The following PTPRR variants were observed in gnomAD, a reference collection of about 807,000 sequenced individuals.
PTPRR encodes the protein receptor-type tyrosine-protein phosphatase R.
PTPRR carries 38 observed loss-of-function variants against 77.2 expected under a neutral mutation model. The observed-to-expected ratio is 0.49, with a 90% CI of 0.38 to 0.65. The LOEUF (loss-of-function observed/expected upper bound fraction) is 0.65, where lower values mean the gene tolerates loss of function less well. PTPRR is among the 30% of genes least tolerant of loss of function. The pLI, the probability that PTPRR is intolerant of heterozygous loss-of-function variation, is 0.00. For missense variants in PTPRR, 744 were observed against 799.2 expected (o/e 0.93, Z 0.83); for synonymous variants, 299 against 283.1 (o/e 1.06, Z -0.57).
intron 1 of PTPRR, among the ~76,000 whole-genome samples, chr12:70,899,084 C>A (rs1893485538): frequency 6.6e-6 from 1 of 151,230 alleles, no homozygotes; most frequent in Non-Finnish European, 1.5e-5. Context: ...CTACTTAAAC[C>A]TTTTCTGAAT....
At chr12:70,829,798 T>C (rs151050832) in intron 2 of PTPRR, among the ~76,000 whole-genome samples, 1 of 152,118 alleles carries the variant, frequency 6.6e-6, no homozygotes, top group Admixed American at 6.5e-5. Context: ...GAGGATCTCA[T>C]AGGTGCATAG....
At chr12:70,878,811 T>C (rs1009887533) in intron 2 of PTPRR, among the ~76,000 whole-genome samples, 21 of 152,196 alleles carry the variant, frequency 1.4e-4, no homozygotes, top group African/African-American at 4.8e-4. Flanking sequence ...CGTATGTTTA[T>C]TGCAGCACTA....
chr12:70,781,955 C>G (rs748087620), intron 2 of PTPRR, among the ~76,000 whole-genome samples: 11 of 152,158 alleles, frequency 7.2e-5, no homozygotes, highest in Non-Finnish European at 1.3e-4. Context: ...TAAACAGTTG[C>G]AATACCAACT....
chr12:70,785,019 AAT>A (rs1891292655), intron 2 of PTPRR, among the ~76,000 whole-genome samples: 1 of 152,192 alleles, frequency 6.6e-6, no homozygotes, highest in Admixed American at 6.5e-5. Context: ...TTCTGGAGAG[AAT>A]ATATATATTC....
chr12:70,746,192 G>A (rs979645934), intron 5 of PTPRR, 106 bp from the exon 6 acceptor site: 36 of 1,090,262 alleles, frequency 3.3e-5, no homozygotes, highest in African/African-American at 2.4e-4. Context: ...AAGGCTTAAC[G>A]ATAAAGTAAA....
At chr12:70,741,452 A>G (rs1890043055) in intron 6 of PTPRR, among the ~76,000 whole-genome samples, 1 of 152,126 alleles carries the variant, frequency 6.6e-6, no homozygotes. Context: ...TTCCAAGAGG[A>G]AGTGATGCTT....
Position 70,745,866 on chromosome 12 carries a change from G to C in PTPRR, c.959C>G (p.Ser320Cys), listed in dbSNP as rs753782110. ...CATTTTGAAAGGAGAAGGGCAAACA[G>C]AGGTAGCGGTGGTAGCTTTGATCTC... ...APEIKATTAT[S>C]VCPSPFKMKP... Residue 320 changes from serine (S) to cysteine (C), a missense_variant, in exon 6 of 14, where the codon TCT becomes TGT. This residue lies in a region of PTPRR where 570 missense variants were observed against 573.2 expected (regional missense o/e 0.99). Coordinates refer to ENST00000283228, the MANE Select transcript of PTPRR (RefSeq NM_002849.4). 3 of 1,613,976 alleles carry C rather than the reference G, an allele frequency of 1.9e-6. No homozygotes were observed. In the Admixed American group the frequency reaches 5.0e-5, roughly 27 times the overall value.
At chr12:70,842,429 G>A (rs1324432540) in intron 2 of PTPRR, among the ~76,000 whole-genome samples, 1 of 152,194 alleles carries the variant, frequency 6.6e-6, no homozygotes, top group African/African-American at 2.4e-5. Flanking sequence ...CACAAAATAG[G>A]TGGCTTAAAA....
At chr12:70,713,095 T>C (rs554973214) in intron 6 of PTPRR, among the ~76,000 whole-genome samples, 19 of 152,320 alleles carry the variant, frequency 1.2e-4, no homozygotes, top group Non-Finnish European at 2.6e-4. Context: ...ATGCTGTGTC[T>C]GTAGATTTAC....
chr12:70,639,456 G>T (rs568924693), intron 13 of PTPRR, 179 bp from the exon 14 acceptor site: 2 of 1,387,402 alleles, frequency 1.4e-6, no homozygotes, highest in East Asian at 5.3e-5. Context: ...AGTTAACATG[G>T]TAATGTATAT....
rs1893086380 is a variant in PTPRR at position 70,878,234 on chromosome 12, G to A, written c.357+14445C>T. Among the ~76,000 whole-genome samples the A allele has an allele frequency of 2.0e-5, 3 of 152,248 alleles. No individual in the cohort carries two copies. In the South Asian group the frequency reaches 6.2e-4, roughly 32 times the overall value. On this transcript the variant is annotated intron_variant, in intron 2 of 13. Transcript: ENST00000283228. ...AACACCAAAAGCAATGGCAACAAAA[G>A]CCAAAATTGACAAATGGGATCTAAT...
At chr12:70,863,485 T>C (rs1892787964) in intron 2 of PTPRR, among the ~76,000 whole-genome samples, 2 of 152,154 alleles carry the variant, frequency 1.3e-5, no homozygotes, top group Non-Finnish European at 2.9e-5. Context: ...TGTGAAAAAT[T>C]AATGCTGGGG....
chr12:70,644,655 T>C (rs1886131214), intron 13 of PTPRR, among the ~76,000 whole-genome samples: 1 of 152,222 alleles, frequency 6.6e-6, no homozygotes, highest in African/African-American at 2.4e-5. Flanking sequence ...ACCATAAATG[T>C]CAACTATTAT....
chr12:70,763,403 A>T (rs1205759102), intron 3 of PTPRR, among the ~76,000 whole-genome samples: 1 of 152,166 alleles, frequency 6.6e-6, no homozygotes, highest in African/African-American at 2.4e-5. Context: ...AAGTTCTGGG[A>T]TTACAGGCGT....
At chr12:70,668,463 C>A (rs10506602) in intron 10 of PTPRR, among the ~76,000 whole-genome samples, 1,859 of 152,192 alleles carry the variant, frequency 0.012, 44 homozygotes, top group African/African-American at 0.042. Context: ...TCCAACAGTC[C>A]AATTTCTGAG....
chr12:70,729,827 T>C (rs1889588938), intron 6 of PTPRR, among the ~76,000 whole-genome samples: 1 of 152,002 alleles, frequency 6.6e-6, no homozygotes, highest in Non-Finnish European at 1.5e-5. Flanking sequence ...AGAATCATAA[T>C]GATTTAAGAA....
intron 13 of PTPRR, among the ~76,000 whole-genome samples, chr12:70,644,413 GA>G (rs1462187839): frequency 6.6e-6 from 1 of 152,112 alleles, no homozygotes; most frequent in Non-Finnish European, 1.5e-5. Context: ...TACCAGGGGG[GA>G]CCAGAGTATG....
At chr12:70,698,606 G>T (rs1292136036) in intron 7 of PTPRR, among the ~76,000 whole-genome samples, 1 of 152,126 alleles carries the variant, frequency 6.6e-6, no homozygotes, top group African/African-American at 2.4e-5. Context: ...TATAACACTG[G>T]TTAGATTTTA....
At chr12:70,700,037 C>T (rs1888363568) in intron 7 of PTPRR, among the ~76,000 whole-genome samples, 1 of 152,316 alleles carries the variant, frequency 6.6e-6, no homozygotes, top group Middle Eastern at 3.4e-3. Flanking sequence ...CTTTGGCTAG[C>T]TGTGTGACCA....
Sources: allele counts gnomAD v4.1 joint callset (sites outside exome capture counted in the v4.1 genomes callset), GRCh38; gene constraint gnomAD v4.1.1; regional missense constraint gnomAD v4.1.1; transcripts MANE v1.5; gene names NCBI Gene and HGNC (gene_info 2026-07-23, HGNC 2026-07-21).